Variants in HIPK2 observed in about 807,000 individuals in gnomAD.
HIPK2 encodes the protein homeodomain interacting protein kinase 2.
HIPK2 carries 27 observed loss-of-function variants against 113.7 expected under a neutral mutation model. The ratio of observed to expected loss-of-function variants is 0.24; its 90% CI spans 0.17 to 0.33. The LOEUF is 0.33. Among genes scored for constraint, HIPK2 ranks in the 10% least tolerant of loss-of-function variants. The pLI, the probability that HIPK2 is intolerant of heterozygous loss-of-function variation, is 1.00. For synonymous variants in HIPK2, 631 were observed against 642.2 expected, an observed-to-expected ratio of 0.98 and a Z score of 0.26; for missense variants, 1,257 against 1,588.0, an observed-to-expected ratio of 0.79 and a Z score of 3.54.
Position 139,718,234 on chromosome 7 carries a change from T to C in HIPK2, c.20-1219A>G, listed in dbSNP as rs188777942. ...TTAAAGGTTAAAAGAGTAACAAACA[T>C]TGCCCATCTTCTAAGCCACTATCAA... On this transcript the variant is annotated intron_variant, in intron 1 of 14. Coordinates refer to ENST00000406875, the MANE Select transcript of HIPK2 (RefSeq NM_022740.5). Among the ~76,000 whole-genome samples, 8 of 152,306 alleles carry C rather than the reference T, an allele frequency of 5.3e-5. No homozygotes were observed. The East Asian group carries it at 7.7e-4, about 15-fold the overall frequency.
rs1800596708 is a variant in HIPK2, at chr7:139,631,087, G to T, written c.1347+78C>A. 19 of 1,507,266 alleles carry T rather than the reference G, an allele frequency of 1.3e-5. No individual in the cohort carries two copies. In the South Asian group the frequency reaches 2.2e-4, roughly 17 times the overall value. 93.4% of individuals were successfully genotyped at this position (1,507,266 alleles called of 1,614,324 possible). On this transcript the variant is annotated intron_variant, in intron 4 of 14. Coordinates refer to ENST00000406875, the MANE Select transcript of HIPK2 (RefSeq NM_022740.5). This position sits in a 1 kb window ranked among gnomAD's most constrained non-coding sequence, Gnocchi z 4.9. Reference sequence around the variant, plus strand: ...CCTCATTTTGCTGACTGAATCAAAAGCTCCCCACTAATGGGTCTACGGCCC... The same window carrying T: ...CCTCATTTTGCTGACTGAATCAAAATCTCCCCACTAATGGGTCTACGGCCC...
chr7:139,574,061 A>G (rs1798405185), intron 14 of HIPK2, among the ~76,000 whole-genome samples: 1 of 152,054 alleles, frequency 6.6e-6, no homozygotes, highest in Non-Finnish European at 1.5e-5. Flanking sequence ...CCTGGCCTAG[A>G]ATGATCCCCC....
At chr7:139,652,128 C>T (rs1585330065) in intron 2 of HIPK2, among the ~76,000 whole-genome samples, 1 of 152,204 alleles carries the variant, frequency 6.6e-6, no homozygotes, top group Non-Finnish European at 1.5e-5. Context: ...CAGGAATTAA[C>T]TAGCCAAGCA....
intron 13 of HIPK2, among the ~76,000 whole-genome samples, chr7:139,579,456 T>C (rs900939367): frequency 9.2e-5 from 14 of 152,162 alleles, no homozygotes; most frequent in Non-Finnish European, 1.8e-4. Flanking sequence ...TAATGAGCCA[T>C]GCATGGAAAC....
chr7:139,573,805 G>A (rs1346154167), intron 14 of HIPK2, among the ~76,000 whole-genome samples: 1 of 151,312 alleles, frequency 6.6e-6, no homozygotes, highest in African/African-American at 2.4e-5. Context: ...CTGAGATCAC[G>A]CGAGTGCACT....
At chr7:139,640,579 C>T (rs1268124955) in intron 2 of HIPK2, among the ~76,000 whole-genome samples, 2 of 152,202 alleles carry the variant, frequency 1.3e-5, no homozygotes, top group East Asian at 3.8e-4. Flanking sequence ...CTGAACAATA[C>T]TAAACCACTT....
chr7:139,634,586 G>T (rs762567351), intron 2 of HIPK2, among the ~76,000 whole-genome samples: 2 of 151,740 alleles, frequency 1.3e-5, no homozygotes, highest in Non-Finnish European at 2.9e-5. Context: ...ATTACTGCCA[G>T]GTTGCCTCTA....
At chr7:139,702,108 G>A (rs1794725642) in intron 2 of HIPK2, among the ~76,000 whole-genome samples, 2 of 152,194 alleles carry the variant, frequency 1.3e-5, no homozygotes, top group African/African-American at 4.8e-5. Context: ...GTCCCTCCCA[G>A]TGCTGCTCCA....
intron 1 of HIPK2, among the ~76,000 whole-genome samples, chr7:139,739,663 T>C (rs1196190883): frequency 6.6e-6 from 1 of 151,996 alleles, no homozygotes; most frequent in Non-Finnish European, 1.5e-5. Context: ...TTCAAAATAT[T>C]ATCATCACTC....
intron 6 of HIPK2, among the ~76,000 whole-genome samples, chr7:139,623,198 C>G (rs191428253): frequency 6.6e-6 from 1 of 151,990 alleles, no homozygotes; most frequent in Admixed American, 6.6e-5. Flanking sequence ...TGTGGCTGAC[C>G]CCTATGGCAC....
In HIPK2 at chr7:139,716,901, C is replaced by T; in HGVS notation, c.134G>A (p.Gly45Asp). Residue 45 changes from glycine to aspartate, a missense_variant, in exon 2 of 15, where the codon GGC becomes GAC. By Grantham distance (94) the Gly-to-Asp change is moderately conservative. Around this residue, in one of 5 missense-constraint regions of HIPK2, gnomAD observed 209 missense variants for 237.8 expected, o/e 0.88. Transcript: ENST00000406875. The surrounding 1 kb of genome is among the most constrained non-coding windows in gnomAD (Gnocchi z 9.3). ...PSSNWDMTGY[G>D]SHSKVYSQSK... is the part of the protein sequence containing the mutation. ...CTGGCTATACACTTTGCTGTGGGAG[C>T]CGTACCCAGTCATGTCCCAGTTGGA... 2 of 1,613,848 alleles carry T rather than the reference C, an allele frequency of 1.2e-6. No homozygotes were observed. The highest frequency in any genetic ancestry group is 1.7e-6 in the Non-Finnish European group (2 of 1,179,876).
chr7:139,646,144 C>G (rs890953769), intron 2 of HIPK2, among the ~76,000 whole-genome samples: 2 of 152,118 alleles, frequency 1.3e-5, no homozygotes, highest in Non-Finnish European at 2.9e-5. Flanking sequence ...CGGAAAGCCA[C>G]CTGAACCTTC....
In HIPK2 at chr7:139,575,259, TGTA is replaced by T; in HGVS notation, c.2992_2994del (p.Tyr998del). The T allele has an allele frequency of 6.3e-7, 1 of 1,576,526 alleles. No homozygotes were observed. The highest frequency in any genetic ancestry group is 8.6e-7 in the Non-Finnish European group (1 of 1,161,032). ...GTCACGTTGCTGGAGGACTTGGACT[TGTA>T]GGAGGACGAGTGGTGACTGGTGTTG... On this transcript the variant is annotated inframe_deletion, in exon 14 of 15. Transcript: ENST00000406875.
intron 2 of HIPK2, among the ~76,000 whole-genome samples, chr7:139,684,648 T>C (rs535156337): frequency 6.6e-6 from 1 of 152,272 alleles, no homozygotes; most frequent in South Asian, 2.1e-4. Context: ...ATCCAGGAGT[T>C]TGAGGTTGCA....
At chr7:139,727,404 C>T (rs1353528958) in intron 1 of HIPK2, among the ~76,000 whole-genome samples, 4 of 152,152 alleles carry the variant, frequency 2.6e-5, no homozygotes, top group African/African-American at 9.7e-5. Flanking sequence ...CACCATGTCA[C>T]GCCTCCTGCT....
chr7:139,642,456 C>G (rs965974367), intron 2 of HIPK2, among the ~76,000 whole-genome samples: 1 of 152,184 alleles, frequency 6.6e-6, no homozygotes, highest in African/African-American at 2.4e-5. Flanking sequence ...CTGGAAAGCA[C>G]CTCGGGGCAG....
chr7:139,628,561 G>A (rs1020880273), intron 5 of HIPK2, among the ~76,000 whole-genome samples: 2 of 152,110 alleles, frequency 1.3e-5, no homozygotes, highest in Admixed American at 1.3e-4. Flanking sequence ...AGCCTCCCGA[G>A]TAGCTGAGAT....
chr7:139,702,448 C>A (rs1227468806), intron 2 of HIPK2, among the ~76,000 whole-genome samples: 1 of 152,214 alleles, frequency 6.6e-6, no homozygotes, highest in Non-Finnish European at 1.5e-5. Flanking sequence ...ACTCCAGGCA[C>A]AGGGACCCTC....
At chr7:139,611,230 T>C (rs1043623738) in intron 9 of HIPK2, among the ~76,000 whole-genome samples, 2 of 152,202 alleles carry the variant, frequency 1.3e-5, no homozygotes, top group Non-Finnish European at 2.9e-5. Flanking sequence ...TGTACTCAAA[T>C]CAGATAAGGA....
Sources: gnomAD v4.1 joint callset for allele counts (sites outside exome capture counted in the v4.1 genomes callset) on GRCh38, gnomAD v4.1.1 for gene constraint, gnomAD v4.1.1 regional missense constraint, Gnocchi (gnomAD v3.1) non-coding constraint, MANE v1.5 for transcripts, NCBI Gene and HGNC (gene_info 2026-07-23, HGNC 2026-07-21) for gene names.